Variants in LTBP1 observed in about 807,000 individuals in gnomAD.
LTBP1 encodes latent transforming growth factor beta binding protein 1.
LTBP1 carries 129 observed loss-of-function variants against 207.6 expected under a neutral mutation model. The observed-to-expected ratio is 0.62, with a 90% CI of 0.54 to 0.72. The LOEUF is 0.72. LTBP1 is among the 30% of genes least tolerant of loss of function. The pLI is 0.00. For synonymous variants in LTBP1, 963 were observed against 833.7 expected (o/e 1.16, Z -2.67); for missense variants, 2,281 against 2,217.2 (o/e 1.03, Z -0.58).
chr2:33,038,695 A>G (rs2076040062), intron 3 of LTBP1, among the ~76,000 whole-genome samples: 1 of 152,250 alleles, frequency 6.6e-6, no homozygotes, highest in South Asian at 2.1e-4. Flanking sequence ...GAAGTAGAAA[A>G]TATTTGGAGG....
intron 3 of LTBP1, among the ~76,000 whole-genome samples, chr2:33,094,667 C>T (rs750272912): frequency 2.0e-5 from 3 of 152,092 alleles, no homozygotes; most frequent in Admixed American, 6.6e-5. Flanking sequence ...CTGTGAGTAC[C>T]ACATAATAAT....
chr2:33,201,191 G>C (rs1029375033), intron 7 of LTBP1, among the ~76,000 whole-genome samples: 1 of 152,032 alleles, frequency 6.6e-6, no homozygotes. Context: ...TGTTTATTGC[G>C]GCAGTATTCA....
At chr2:33,381,297 T>C (rs1558329712) in intron 31 of LTBP1, among the ~76,000 whole-genome samples, 1 of 151,900 alleles carries the variant, frequency 6.6e-6, no homozygotes, top group Non-Finnish European at 1.5e-5. Flanking sequence ...AAGGAACCAC[T>C]ATTTTTTTGG....
intron 2 of LTBP1, 96 bp from the exon 3 acceptor site, chr2:33,020,813 G>C: frequency 1.6e-6 from 2 of 1,242,656 alleles, no homozygotes; most frequent in Non-Finnish European, 2.2e-6. Context: ...TTTTATTGGA[G>C]AACAAACAAC....
intron 16 of LTBP1, 97 bp downstream of exon 16, chr2:33,273,878 G>C (rs2093370494): frequency 5.3e-6 from 6 of 1,129,820 alleles, no homozygotes; most frequent in Non-Finnish European, 7.1e-6. Flanking sequence ...TTGGGAAAGT[G>C]TTACTGGTTT....
rs370371635 is a variant in LTBP1, at chr2:33,329,683, C to T, written c.3731-13155C>T. Among the ~76,000 whole-genome samples, 103 of 151,970 alleles carry T rather than the reference C, an allele frequency of 6.8e-4. 1 individual carries two copies. In the South Asian group the frequency reaches 0.021, roughly 32 times the overall value. ...CACTAATATGAATTTTTTTTATTAACCATAGAGTCAGATATATATGAATAT... is the reference window on the plus strand; with the variant it reads ...CACTAATATGAATTTTTTTTATTAATCATAGAGTCAGATATATATGAATAT... On this transcript the variant is annotated intron_variant, in intron 24 of 33. Coordinates refer to ENST00000404816, the MANE Select transcript of LTBP1 (RefSeq NM_206943.4).
intron 3 of LTBP1, among the ~76,000 whole-genome samples, chr2:33,049,841 CT>C (rs1320223925): frequency 2.8e-5 from 4 of 145,338 alleles, no homozygotes; most frequent in East Asian, 4.0e-4. Context: ...TTTTTTTTTT[CT>C]TTTTTTTTGT....
At chr2:32,965,013 C>G (rs1679732986) in intron 2 of LTBP1, among the ~76,000 whole-genome samples, 1 of 152,080 alleles carries the variant, frequency 6.6e-6, no homozygotes, top group Non-Finnish European at 1.5e-5. Context: ...GCACTCCAGC[C>G]TGGCGACAGA....
intron 24 of LTBP1, among the ~76,000 whole-genome samples, chr2:33,321,845 T>C (rs747752037): frequency 1.3e-5 from 2 of 152,146 alleles, no homozygotes; most frequent in African/African-American, 4.8e-5. Context: ...CTCTTCCATG[T>C]GTAAAAAGAA....
intron 31 of LTBP1, 123 bp downstream of exon 31, chr2:33,365,626 CGTGTGTGTGTGT>C: frequency 1.4e-6 from 1 of 711,152 alleles, no homozygotes; most frequent in Non-Finnish European, 2.2e-6. Flanking sequence ...ACTTTCATCC[CGTGTGTGTGTGT>C]GTGTGTGTGT....
At chr2:33,382,606 G>A (rs80013385) in intron 31 of LTBP1, among the ~76,000 whole-genome samples, 244 of 152,152 alleles carry the variant, frequency 1.6e-3, no homozygotes, top group African/African-American at 5.6e-3. Context: ...ACATCTTTCC[G>A]TACTCTCAGG....
At chr2:33,265,188 C>T (rs1323936474) in intron 15 of LTBP1, among the ~76,000 whole-genome samples, 2 of 152,200 alleles carry the variant, frequency 1.3e-5, no homozygotes, top group Admixed American at 1.3e-4. Context: ...CTCACAGACA[C>T]ACCCAGAAAT....
intron 5 of LTBP1, among the ~76,000 whole-genome samples, chr2:33,182,580 C>G (rs1464559017): frequency 1.3e-5 from 2 of 149,446 alleles, no homozygotes; most frequent in Admixed American, 6.7e-5. Flanking sequence ...GAGAATGGCA[C>G]GAACCCAGGA....
chr2:33,360,599 TTAGATG>T lies in LTBP1; in HGVS notation c.4015_4020del (p.Val1339_Asp1340del), dbSNP rs748044894. On this transcript the variant is annotated inframe_deletion, in exon 27 of 34. Transcript: ENST00000404816. Reference sequence around the variant, plus strand: ...TCTACTTTCTCTACTCCATTTAGATTTAGATGTAGATGTAGATCAACCCAAAGAAGA... The same window carrying T: ...TCTACTTTCTCTACTCCATTTAGATTTAGATGTAGATCAACCCAAAGAAGA... 2.4e-5 allele frequency: 39 copies of T among 1,608,118 alleles called. No individual in the cohort carries two copies. The highest frequency in any genetic ancestry group is 3.3e-5 in the Admixed American group (2 of 59,978).
intron 7 of LTBP1, among the ~76,000 whole-genome samples, chr2:33,216,906 C>A (rs760209769): frequency 4.6e-5 from 7 of 152,204 alleles, no homozygotes; most frequent in Non-Finnish European, 1.0e-4. Flanking sequence ...GCCTCTAAGT[C>A]CTACTCTTCT....
intron 12 of LTBP1, 33 bp from the exon 13 acceptor site, chr2:33,259,555 G>T (rs1243241818): frequency 1.3e-6 from 2 of 1,517,736 alleles, no homozygotes; most frequent in African/African-American, 1.4e-5. Context: ...TGTCTTAAAT[G>T]GTACTAATAC....
intron 4 of LTBP1, among the ~76,000 whole-genome samples, chr2:33,122,687 T>C (rs2081206584): frequency 1.3e-5 from 2 of 152,196 alleles, no homozygotes; most frequent in Admixed American, 1.3e-4. Context: ...TTCAACAGCA[T>C]TTCTGAAGGG....
intron 19 of LTBP1, among the ~76,000 whole-genome samples, chr2:33,283,283 T>C (rs1174951891): frequency 6.6e-6 from 1 of 152,038 alleles, no homozygotes; most frequent in African/African-American, 2.4e-5. Context: ...TGCTAAGTTA[T>C]TAACATGCTC....
At chr2:33,275,522 TA>T (rs2093407405) in intron 17 of LTBP1, among the ~76,000 whole-genome samples, 1 of 152,038 alleles carries the variant, frequency 6.6e-6, no homozygotes. Flanking sequence ...CTGTCTCTAC[TA>T]AAAATACAGA....
Sources: allele counts gnomAD v4.1 joint callset (sites outside exome capture counted in the v4.1 genomes callset), GRCh38; gene constraint gnomAD v4.1.1; transcripts MANE v1.5; gene names NCBI Gene and HGNC (gene_info 2026-07-23, HGNC 2026-07-21).